Variants in PCDH19 observed in about 807,000 individuals in gnomAD.
PCDH19 encodes protocadherin-19.
PCDH19 carries 6 observed loss-of-function variants against 46.2 expected under a neutral mutation model. That is an observed-to-expected ratio of 0.13 (90% CI 0.07 to 0.26). The LOEUF is 0.26. Ranked by LOEUF, PCDH19 falls within the 10% of genes least tolerant of loss-of-function variation. The pLI, the probability that PCDH19 is intolerant of heterozygous loss-of-function variation, is 1.00. For missense variants in PCDH19, 740 were observed against 972.3 expected, an observed-to-expected ratio of 0.76 and a Z score of 3.18; for synonymous variants, 481 against 415.7, an observed-to-expected ratio of 1.16 and a Z score of -1.91.
At chrX:100,383,100 G>C (rs1927603718) in intron 3 of PCDH19, among the ~76,000 whole-genome samples, 1 of 112,130 alleles carries the variant, frequency 8.9e-6, no homozygotes, top group African/African-American at 3.2e-5. Flanking sequence ...CAGATTAAGA[G>C]GCACAAATTA....
chrX:100,374,359 A>G (rs937906542), intron 3 of PCDH19, among the ~76,000 whole-genome samples: 4 of 112,069 alleles, frequency 3.6e-5, no homozygotes, highest in Non-Finnish European at 7.5e-5. Flanking sequence ...GCACTAAACA[A>G]TTTATGAATG....
chrX:100,362,517 G>C (rs770545852), intron 3 of PCDH19, among the ~76,000 whole-genome samples: 2 of 110,718 alleles, frequency 1.8e-5, no homozygotes, highest in African/African-American at 6.6e-5. Context: ...CTCTGGGCCC[G>C]GTGCAGTGGC....
chrX:100,296,279 A>G lies in PCDH19; in HGVS notation c.3445T>C (p.Ter1149GlnextTer31). The G allele has an allele frequency of 8.3e-7, 1 of 1,199,824 alleles. No homozygotes were observed. The highest frequency in any genetic ancestry group is 1.1e-6 in the Non-Finnish European group (1 of 884,432). ...TTCTCTTCTTCCTGGAGACTGGTTT[A>G]GAGAACGATATCCTTCAGACGCTTC... ...GVKRLKDIVL* is the reference protein window; with the variant it reads ...GVKRLKDIVLQ The change falls in exon 6 of 6, where the codon TAA becomes CAA. Residue 1149 changes from the stop codon to glutamine, a stop_lost. Coordinates refer to ENST00000373034, the MANE Select transcript of PCDH19 (RefSeq NM_001184880.2).
chrX:100,384,186 G>T (rs1026864320), intron 3 of PCDH19, among the ~76,000 whole-genome samples: 1 of 111,514 alleles, frequency 9.0e-6, no homozygotes, highest in East Asian at 2.8e-4. Context: ...AGAAGAAATC[G>T]CAGATTAAAG....
chrX:100,298,746 G>A (rs746648890), intron 5 of PCDH19, among the ~76,000 whole-genome samples: 28 of 111,723 alleles, frequency 2.5e-4, no homozygotes, highest in Non-Finnish European at 4.9e-4. Context: ...GCATGTACCT[G>A]GGAGGCAGAA....
At chrX:100,332,031 T>C (rs1925885622) in intron 5 of PCDH19, among the ~76,000 whole-genome samples, 1 of 111,502 alleles carries the variant, frequency 9.0e-6, no homozygotes, top group African/African-American at 3.3e-5. Context: ...AGTGGATGTA[T>C]CAATTAAGCT....
intron 5 of PCDH19, among the ~76,000 whole-genome samples, chrX:100,324,382 G>T (rs965991782): frequency 8.9e-6 from 1 of 111,736 alleles, no homozygotes; most frequent in African/African-American, 3.3e-5. Flanking sequence ...AAATTAAGAT[G>T]AAAGAGTAAT....
At position 100,408,411 on chromosome X, in the gene PCDH19, C is replaced by A; in HGVS notation, c.187G>T (p.Val63Leu). Reference protein sequence around the residue: ...LDPRQASAFRVVSNSAPHLVD... With the variant: ...LDPRQASAFRLVSNSAPHLVD... ...AGGTGTGGAGCCGAGTTGGACACCA[C>A]GCGAAAGGCTGAAGCCTGCCGGGGG... The change falls in exon 1 of 6, where the codon GTG (valine) becomes TTG (leucine). Residue 63 changes from valine (V) to leucine (L), a missense_variant. Coordinates refer to ENST00000373034, the MANE Select transcript of PCDH19 (RefSeq NM_001184880.2). The A allele has an allele frequency of 8.3e-7, 1 of 1,207,551 alleles. No homozygotes were observed.
intron 5 of PCDH19, among the ~76,000 whole-genome samples, chrX:100,314,245 C>G (rs985142239): frequency 3.7e-4 from 41 of 111,690 alleles, no homozygotes; most frequent in African/African-American, 1.1e-3. Flanking sequence ...CATTTTTGTA[C>G]TGTTCAACAG....
intron 5 of PCDH19, among the ~76,000 whole-genome samples, chrX:100,299,826 T>C (rs919949663): frequency 8.9e-6 from 1 of 112,358 alleles, no homozygotes; most frequent in African/African-American, 3.2e-5. Flanking sequence ...AGATTACTTA[T>C]GTAAACTTAT....
chrX:100,393,062 G>A (rs999001834), intron 3 of PCDH19, among the ~76,000 whole-genome samples: 4 of 111,726 alleles, frequency 3.6e-5, no homozygotes, highest in Non-Finnish European at 7.5e-5. Context: ...GCAAGCCTCA[G>A]AAAATAATTT....
intron 3 of PCDH19, among the ~76,000 whole-genome samples, chrX:100,352,629 G>A (rs976836306): frequency 4.5e-5 from 5 of 111,698 alleles, no homozygotes; most frequent in Admixed American, 1.9e-4. Context: ...CTGTTCTCTC[G>A]ATAGTGAATG....
chrX:100,347,375 A>G (rs111694237), intron 4 of PCDH19, among the ~76,000 whole-genome samples: 109 of 111,678 alleles, frequency 9.8e-4, no homozygotes, highest in African/African-American at 3.3e-3. Context: ...TCTCAAGTCA[A>G]TGTTCCCTAC....
chrX:100,375,603 T>C (rs1927354701), intron 3 of PCDH19, among the ~76,000 whole-genome samples: 1 of 112,275 alleles, frequency 8.9e-6, no homozygotes, highest in African/African-American at 3.2e-5. Context: ...CCTTTGGGTA[T>C]ATACCCAGTA....
At chrX:100,349,447 T>G (rs990040406) in intron 4 of PCDH19, among the ~76,000 whole-genome samples, 2 of 111,798 alleles carry the variant, frequency 1.8e-5, no homozygotes, top group African/African-American at 6.5e-5. Context: ...TGATCATCAC[T>G]TAAGGTCACA....
intron 4 of PCDH19, among the ~76,000 whole-genome samples, chrX:100,349,501 G>A (rs1341321075): frequency 4.5e-5 from 5 of 111,968 alleles, no homozygotes; most frequent in Admixed American, 9.4e-5. Flanking sequence ...TGTTTTAGGG[G>A]TTACTGAAGC....
chrX:100,329,637 C>T (rs1305954236), intron 5 of PCDH19, among the ~76,000 whole-genome samples: 3 of 111,273 alleles, frequency 2.7e-5, no homozygotes, highest in African/African-American at 9.8e-5. Context: ...TGGCCGGGCG[C>T]GGTGGCTCAC....
chrX:100,391,899 C>T lies in PCDH19; in HGVS notation c.2616+10625G>A, dbSNP rs183816530. Among the ~76,000 whole-genome samples the T allele has an allele frequency of 2.7e-5, 3 of 112,422 alleles. No homozygotes were observed. In the East Asian group the frequency reaches 8.3e-4, roughly 31 times the overall value. On this transcript the variant is annotated intron_variant, in intron 3 of 5. Coordinates refer to ENST00000373034, the MANE Select transcript of PCDH19 (RefSeq NM_001184880.2). The stretch of plus-strand genomic sequence containing the variant: ...GATGATACAGTCACTTGGGCTCACT[C>T]ACACACTAGAGAAAACTGTCCTGAT...
At chrX:100,333,189 GAAAGAAAGAAAGAAAGAAAGAAAGAA>G (rs1925965072) in intron 5 of PCDH19, among the ~76,000 whole-genome samples, 8 of 70,941 alleles carry the variant, frequency 1.1e-4, no homozygotes, top group African/African-American at 2.3e-4. Context: ...GAGAGAGAAA[GAAAGAAAGAAAGAAAGAAAGAAAGAA>G]AGAAAGAAAG....
Sources: allele counts gnomAD v4.1 joint callset (sites outside exome capture counted in the v4.1 genomes callset), GRCh38; gene constraint gnomAD v4.1.1; transcripts MANE v1.5; gene names NCBI Gene and HGNC (gene_info 2026-07-23, HGNC 2026-07-21).